PRDM2: variants seen among roughly 807,000 people sequenced by gnomAD.
The protein encoded by PRDM2 is PR domain zinc finger protein 2.
PRDM2 carries 30 observed loss-of-function variants against 130.0 expected under a neutral mutation model. The observed-to-expected ratio is 0.23, with a 90% CI of 0.17 to 0.31. The LOEUF (loss-of-function observed/expected upper bound fraction) is 0.31, where lower values mean the gene tolerates loss of function less well. Ranked by LOEUF, PRDM2 falls within the 10% of genes least tolerant of loss-of-function variation. The pLI is 1.00. For synonymous variants in PRDM2, 871 were observed against 782.4 expected (o/e 1.11, Z -1.89); for missense variants, 2,011 against 2,108.4 (o/e 0.95, Z 0.90).
chr1:13,809,060 C>T lies in PRDM2; in HGVS notation c.5037-7367C>T, dbSNP rs572960506. On this transcript the variant is annotated intron_variant, in intron 8 of 9. Coordinates refer to ENST00000311066, the MANE Select transcript of PRDM2 (RefSeq NM_001393986.1). Reference sequence around the variant, plus strand: ...TCTCTGGGTGAATCTAGTGAGGAGCCGAGGCTACAGGCCACTGGGAAATGG... The same window carrying T: ...TCTCTGGGTGAATCTAGTGAGGAGCTGAGGCTACAGGCCACTGGGAAATGG... Among the ~76,000 whole-genome samples the T allele has an allele frequency of 2.5e-4, 38 of 152,254 alleles. No homozygotes were observed. In the East Asian group the frequency reaches 6.0e-3, roughly 24 times the overall value.
At chr1:13,809,356 C>T (rs371372968) in intron 8 of PRDM2, among the ~76,000 whole-genome samples, 1 of 151,964 alleles carries the variant, frequency 6.6e-6, no homozygotes, top group South Asian at 2.1e-4. Context: ...AGAGGTGGTC[C>T]CCGACAGTGG....
chr1:13,778,591 T>C lies in PRDM2; in HGVS notation c.796T>C (p.Leu266=), dbSNP rs752401389. ...AGCGGCAGCTTGTGAGGTGAATGAT[T>C]TGGGGGAAGAGGAGGAGGAGGAAGA... The part of the protein sequence containing the change: ...LEAAACEVND[L]GEEEEEEEEE... Residue 266 remains leucine, a synonymous_variant, in exon 8 of 10, where the codon TTG becomes CTG. Coordinates refer to ENST00000311066, the MANE Select transcript of PRDM2 (RefSeq NM_001393986.1). 2 of 1,613,384 alleles carry C rather than the reference T, an allele frequency of 1.2e-6. No homozygotes were observed. Among genetic ancestry groups the C allele is most frequent in the East Asian group, 4.5e-5 (2 of 44,834 alleles).
intron 9 of PRDM2, among the ~76,000 whole-genome samples, chr1:13,817,886 A>G (rs1293850931): frequency 6.6e-6 from 1 of 152,076 alleles, no homozygotes; most frequent in African/African-American, 2.4e-5. Flanking sequence ...TGTAGTCGCA[A>G]CTACTCAGGA....
At position 13,779,230 on chromosome 1, in the gene PRDM2, G is replaced by A. The variant is rs1644550640; in HGVS notation, c.1435G>A (p.Val479Ile). 6.2e-7 allele frequency: 1 copy of A among 1,614,230 alleles called. No individual in the cohort carries two copies. Among genetic ancestry groups the A allele is most frequent in the Non-Finnish European group, 8.5e-7 (1 of 1,180,038 alleles). The change falls in exon 8 of 10, where the codon GTT (valine) becomes ATT (isoleucine). Residue 479 changes from valine to isoleucine, a missense_variant. Transcript: ENST00000311066. This position sits in a 1 kb window ranked among gnomAD's most constrained non-coding sequence, Gnocchi z 4.9. ...NSSVVEENGE[V>I]KELHPCKYCK... ...TTCTGTCGTAGAAGAGAATGGGGAA[G>A]TTAAAGAACTTCATCCGTGCAAATA...
chr1:13,817,354 G>A (rs1645273651), intron 9 of PRDM2, among the ~76,000 whole-genome samples: 1 of 152,088 alleles, frequency 6.6e-6, no homozygotes. Flanking sequence ...GATTTATTTT[G>A]GACTAAAACA....
Position 13,816,136 on chromosome 1 carries a change from G to A in PRDM2, c.5037-291G>A, listed in dbSNP as rs1204971259. 2.6e-5 allele frequency among the ~76,000 whole-genome samples: 4 copies of A among 152,170 alleles called. No individual in the cohort carries two copies. The East Asian group carries it at 5.8e-4, about 22-fold the overall frequency. On this transcript the variant is annotated intron_variant, in intron 8 of 9. Transcript: ENST00000311066. ...CCACTGGGGGTCACCAGACGGCACTGCCCATCATGGTGTCTCAGAACCAGC... is the reference window on the plus strand; with the variant it reads ...CCACTGGGGGTCACCAGACGGCACTACCCATCATGGTGTCTCAGAACCAGC...
chr1:13,722,553 G>A (rs932322920), intron 2 of PRDM2, among the ~76,000 whole-genome samples: 1 of 152,040 alleles, frequency 6.6e-6, no homozygotes, highest in Non-Finnish European at 1.5e-5. Flanking sequence ...CCCCATCTGA[G>A]ATGAAAGGCT....
At chr1:13,729,957 ATTC>A in intron 2 of PRDM2, among the ~76,000 whole-genome samples, 1 of 152,332 alleles carries the variant, frequency 6.6e-6, no homozygotes. Flanking sequence ...TTTGGATGAT[ATTC>A]TTTTCTTGGT....
At chr1:13,818,314 A>G (rs535249357) in intron 9 of PRDM2, among the ~76,000 whole-genome samples, 1 of 151,950 alleles carries the variant, frequency 6.6e-6, no homozygotes, top group South Asian at 2.1e-4. Context: ...GTATTATGCC[A>G]GGAAGAGAAG....
Position 13,776,044 on chromosome 1 carries a change from T to G in PRDM2, c.623-2374T>G, listed in dbSNP as rs75266213. Among the ~76,000 whole-genome samples, 178 of 152,362 alleles carry G rather than the reference T, an allele frequency of 1.2e-3. 3 individuals carry two copies. The South Asian group carries it at 0.036, about 31-fold the overall frequency. Reference sequence around the variant, plus strand: ...CTTAATTCTTGTATTCTTCAGGTTCTGTCTGCTTAGTCCTTTCTCTAAGAA... The same window carrying G: ...CTTAATTCTTGTATTCTTCAGGTTCGGTCTGCTTAGTCCTTTCTCTAAGAA... On this transcript the variant is annotated intron_variant, in intron 7 of 9. Transcript: ENST00000311066.
At chr1:13,814,482 C>T (rs1645225777) in intron 8 of PRDM2, among the ~76,000 whole-genome samples, 1 of 152,232 alleles carries the variant, frequency 6.6e-6, no homozygotes, top group Non-Finnish European at 1.5e-5. Flanking sequence ...TCTGTTGATG[C>T]ATTTGCTTAT....
At chr1:13,792,500 C>T (rs1211586777) in intron 8 of PRDM2, among the ~76,000 whole-genome samples, 1 of 152,188 alleles carries the variant, frequency 6.6e-6, no homozygotes, top group Non-Finnish European at 1.5e-5. Context: ...TTCTCACTTG[C>T]TTTTTATAAT....
intron 6 of PRDM2, among the ~76,000 whole-genome samples, chr1:13,760,677 C>A (rs1644075661): frequency 6.6e-6 from 1 of 152,116 alleles, no homozygotes; most frequent in East Asian, 1.9e-4. Flanking sequence ...CTTAATTTTT[C>A]TGTCTATAAA....
intron 8 of PRDM2, among the ~76,000 whole-genome samples, chr1:13,813,264 G>A (rs1485338305): frequency 6.6e-6 from 1 of 152,212 alleles, no homozygotes; most frequent in Non-Finnish European, 1.5e-5. Flanking sequence ...TGGGAACCAA[G>A]AATCATGAGG....
intron 8 of PRDM2, chr1:13,787,438 G>A (rs2100695327): frequency 3.0e-6 from 3 of 985,232 alleles, no homozygotes; most frequent in Middle Eastern, 1.0e-3. Context: ...GACTGAGTTG[G>A]TGGAAAGCGG....
chr1:13,778,626 TGAA>T lies in PRDM2; in HGVS notation c.846_848del (p.Glu282del), dbSNP rs753575835. Reference sequence around the variant, plus strand: ...AGGAGGAGGAGGAAGAGGAGGAGGATGAAGAAGAAGAAGAAGATGATGATGATG... The same window carrying T: ...AGGAGGAGGAGGAAGAGGAGGAGGATGAAGAAGAAGAAGATGATGATGATG... On this transcript the variant is annotated inframe_deletion, in exon 8 of 10. Coordinates refer to ENST00000311066, the MANE Select transcript of PRDM2 (RefSeq NM_001393986.1). 1.5e-3 allele frequency: 2,448 copies of T among 1,611,396 alleles called. 4 individuals carry two copies. Among genetic ancestry groups the T allele is most frequent in the Non-Finnish European group, 1.9e-3 (2,282 of 1,178,148 alleles).
In PRDM2 at chr1:13,769,033, A is replaced by C. The variant is rs775882987; in HGVS notation, c.512-4045A>C. On this transcript the variant is annotated intron_variant, in intron 6 of 9. Transcript: ENST00000311066. ...ATGTATTCATTTCTTTTCCTCATGC[A>C]CATAGTGTTGTCCTGTCCCTCTGCT... The C allele has an allele frequency of 4.7e-6, 3 of 640,302 alleles. No homozygotes were observed. In the African/African-American group the frequency reaches 6.0e-5, roughly 13 times the overall value. 39.7% of individuals were successfully genotyped at this position (640,302 alleles called of 1,614,324 possible). A position where few individuals can be genotyped will look rare whatever the true frequency, so the allele number is the denominator to read the frequency against.
chr1:13,815,015 T>G (rs546516148), intron 8 of PRDM2, among the ~76,000 whole-genome samples: 1 of 152,254 alleles, frequency 6.6e-6, no homozygotes, highest in African/African-American at 2.4e-5. Context: ...TTGTGAAGAG[T>G]TAGATTGTTT....
intron 5 of PRDM2, among the ~76,000 whole-genome samples, chr1:13,744,376 G>A (rs1379239623): frequency 1.3e-5 from 2 of 152,184 alleles, no homozygotes; most frequent in Non-Finnish European, 2.9e-5. Context: ...GACCTCATAG[G>A]ATTGTTGTGA....
Sources: gnomAD v4.1 joint callset for allele counts (sites outside exome capture counted in the v4.1 genomes callset) on GRCh38, gnomAD v4.1.1 for gene constraint, Gnocchi (gnomAD v3.1) non-coding constraint, MANE v1.5 for transcripts, NCBI Gene and HGNC (gene_info 2026-07-23, HGNC 2026-07-21) for gene names.